ABCC11: variants seen among roughly 807,000 people sequenced by gnomAD.
ABCC11 encodes the protein ATP binding cassette subfamily C member 11.
In ABCC11, 135 loss-of-function variants were observed where a neutral mutation model predicts 149.3. The observed-to-expected ratio is 0.90, with a 90% confidence interval of 0.79 to 1.04. The LOEUF (loss-of-function observed/expected upper bound fraction) is 1.04, where lower values mean the gene tolerates loss of function less well. Ranked by LOEUF, ABCC11 falls within the 50% of genes least tolerant of loss-of-function variation. The pLI is 0.00. For missense variants in ABCC11, 1,680 were observed against 1,722.1 expected (o/e 0.98, Z 0.43); for synonymous variants, 665 against 671.4 (o/e 0.99, Z 0.15).
rs200118643 is a variant in ABCC11 at position 48,193,915 on chromosome 16, G to A, written c.2472C>T (p.Phe824=). 533 of 1,614,006 alleles carry A rather than the reference G, an allele frequency of 3.3e-4. 1 individual carries two copies. The highest frequency in any genetic ancestry group is 3.4e-5 in the Non-Finnish European group (40 of 1,179,922). ...VLIVFLTIFS[F]WWLSYWLEQG... ...GCTCCAACCAGTAGCTCAGCCACCA[G>A]AAGCTGAAGATCGTTAAGAAGACGA... The change falls in exon 19 of 30, where the codon TTC becomes TTT. Residue 824 remains phenylalanine (F), a synonymous_variant. Transcript: ENST00000356608.
intron 22 of ABCC11, 115 bp from the exon 23 acceptor site, chr16:48,184,741 G>T: frequency 9.1e-7 from 1 of 1,102,724 alleles, no homozygotes; most frequent in Non-Finnish European, 1.3e-6. Context: ...CCCAGCAGCA[G>T]GGCCTGATTT....
At chr16:48,219,247 G>A (rs1969566805) in intron 6 of ABCC11, among the ~76,000 whole-genome samples, 1 of 146,986 alleles carries the variant, frequency 6.8e-6, no homozygotes, top group Non-Finnish European at 1.5e-5. Context: ...TCAGCTCACT[G>A]CAACCTATGC....
intron 20 of ABCC11, among the ~76,000 whole-genome samples, chr16:48,188,361 G>A (rs1966843108): frequency 6.6e-6 from 1 of 152,196 alleles, no homozygotes; most frequent in Non-Finnish European, 1.5e-5. Context: ...ACCCCCAGTA[G>A]GGCATTCTAC....
rs141181656 is a variant in ABCC11 at position 48,197,840 on chromosome 16, G to A, written c.2314+131C>T. 4.4e-4 allele frequency: 414 copies of A among 937,702 alleles called. 1 individual carries two copies. In the African/African-American group the frequency reaches 5.9e-3, roughly 13 times the overall value. The allele number at this position is 937,702 out of a possible 1,614,324, so 58.1% of individuals were successfully genotyped here. A position where few individuals can be genotyped will look rare whatever the true frequency, so the allele number is the denominator to read the frequency against. On this transcript the variant is annotated intron_variant, in intron 17 of 29. Coordinates refer to ENST00000356608, the MANE Select transcript of ABCC11 (RefSeq NM_001370497.1). The stretch of plus-strand genomic sequence containing the variant: ...TCAACTACTTGGTTCTGGAACCTGT[G>A]TATGTAAATGCTTAGGGTCTCAAGA...
chr16:48,181,074 C>T (rs188740402), intron 23 of ABCC11, among the ~76,000 whole-genome samples: 1 of 152,320 alleles, frequency 6.6e-6, no homozygotes, highest in African/African-American at 2.4e-5. Flanking sequence ...ACAAGGGCTG[C>T]GCTTAGGGCA....
At chr16:48,228,585 C>G (rs1175546537) in intron 3 of ABCC11, among the ~76,000 whole-genome samples, 1 of 150,342 alleles carries the variant, frequency 6.7e-6, no homozygotes, top group Admixed American at 6.6e-5. Flanking sequence ...AGACAGCGCA[C>G]GACTCCGTCT....
chr16:48,208,982 G>T (rs1006396328), intron 11 of ABCC11, among the ~76,000 whole-genome samples: 2 of 152,160 alleles, frequency 1.3e-5, no homozygotes, highest in South Asian at 4.1e-4. Context: ...ATTGAGCTCA[G>T]AATATAAGCT....
chr16:48,167,362 A>G lies in ABCC11; in HGVS notation c.4061T>C (p.Val1354Ala). 7.4e-7 allele frequency: 1 copy of G among 1,345,766 alleles called. No homozygotes were observed. 83.4% of individuals were successfully genotyped at this position (1,345,766 alleles called of 1,614,324 possible). The change falls in exon 30 of 30, where the codon GTA becomes GCA. Residue 1354 changes from valine to alanine, a missense_variant. Transcript: ENST00000356608. ...CAGTACCTCCGGCCGATCAAATTCT[A>G]CCACCTGGAGGGTAGAGAAAGGCGA... ...HILVMGNGKV[V>A]EFDRPEVLRK...
chr16:48,243,821 C>G (rs1490832456), intron 1 of ABCC11, among the ~76,000 whole-genome samples: 1 of 152,036 alleles, frequency 6.6e-6, no homozygotes, highest in African/African-American at 2.4e-5. Context: ...GTGAAATCCC[C>G]TCCCTACTAA....
rs200162196 is a variant in ABCC11, at chr16:48,230,417, C to T, written c.236+20G>A. ...CCCTGGTGGATACAGCTCTCTCCCACCACCCCCATCAGGACTCACCTCGGC... is the reference window on the plus strand; with the variant it reads ...CCCTGGTGGATACAGCTCTCTCCCATCACCCCCATCAGGACTCACCTCGGC... On this transcript the variant is annotated intron_variant, in intron 3 of 29. Transcript: ENST00000356608. The T allele has an allele frequency of 7.2e-4, 1,127 of 1,572,682 alleles. 28 individuals are homozygous for T. In the South Asian group the frequency reaches 0.012, roughly 17 times the overall value.
intron 11 of ABCC11, 35 bp downstream of exon 11, chr16:48,210,913 C>A: frequency 6.2e-7 from 1 of 1,603,968 alleles, no homozygotes; most frequent in Admixed American, 1.7e-5. Context: ...GAGAGCCTGG[C>A]AGCTGGCCTG....
chr16:48,212,770 C>T (rs528655467), intron 10 of ABCC11, among the ~76,000 whole-genome samples: 1 of 152,264 alleles, frequency 6.6e-6, no homozygotes, highest in South Asian at 2.1e-4. Context: ...GATAATAGGT[C>T]GTGGACTGCA....
Position 48,208,481 on chromosome 16 carries a change from C to A in ABCC11, c.1624G>T (p.Val542Phe). 6.2e-7 allele frequency: 1 copy of A among 1,614,182 alleles called. No individual in the cohort carries two copies. The highest frequency in any genetic ancestry group is 8.5e-7 in the Non-Finnish European group (1 of 1,180,032). Residue 542 changes from valine (V) to phenylalanine (F), a missense_variant, in exon 12 of 30, where the codon GTC (valine) becomes TTC (phenylalanine). Coordinates refer to ENST00000356608, the MANE Select transcript of ABCC11 (RefSeq NM_001370497.1). ...LVVSKGMMLGVCGNTGSGKSS... is the reference protein window; with the variant it reads ...LVVSKGMMLGFCGNTGSGKSS... ...TTACCACTCCCCGTGTTGCCGCAGA[C>A]CCCTAACATCATCCCCTGCAAGCCA... is the stretch of plus-strand genomic sequence containing the variant.
intron 4 of ABCC11, among the ~76,000 whole-genome samples, chr16:48,225,043 C>CAAAAAA (rs113544609): frequency 6.9e-4 from 98 of 142,568 alleles, no homozygotes; most frequent in African/African-American, 2.5e-3. Flanking sequence ...AAAAACAAAC[C>CAAAAAA]AAAAAAAAAA....
intron 1 of ABCC11, among the ~76,000 whole-genome samples, chr16:48,233,119 T>C (rs1970513865): frequency 6.6e-6 from 1 of 152,100 alleles, no homozygotes; most frequent in African/African-American, 2.4e-5. Context: ...AAGTATAACT[T>C]GATCCTGGAA....
At chr16:48,222,306 G>A (rs749525203) in intron 6 of ABCC11, among the ~76,000 whole-genome samples, 3 of 152,074 alleles carry the variant, frequency 2.0e-5, no homozygotes, top group Non-Finnish European at 4.4e-5. Flanking sequence ...TTGAACTCCT[G>A]ACTTAAACAA....
At chr16:48,239,651 T>C (rs1025829217) in intron 1 of ABCC11, among the ~76,000 whole-genome samples, 2 of 149,884 alleles carry the variant, frequency 1.3e-5, no homozygotes, top group African/African-American at 4.9e-5. Context: ...ACAAAAGCAA[T>C]TGCAACAAAA....
Position 48,231,719 on chromosome 16 carries a change from G to A in ABCC11, c.99+104C>T, listed in dbSNP as rs1011568882. ...AAAAGAGAAAAGAAAAAAAATTCAA[G>A]GGTAAATAAGTATGGGAAGAAATTG... On this transcript the variant is annotated intron_variant, in intron 2 of 29. Transcript: ENST00000356608. The A allele has an allele frequency of 1.1e-5, 16 of 1,460,038 alleles. No individual in the cohort carries two copies. The African/African-American group carries it at 1.1e-4, about 10-fold the overall frequency. The allele number at this position is 1,460,038 out of a possible 1,614,324, so 90.4% of individuals were successfully genotyped here.
chr16:48,243,273 T>G (rs113449465), intron 1 of ABCC11, among the ~76,000 whole-genome samples: 49 of 151,282 alleles, frequency 3.2e-4, no homozygotes, highest in African/African-American at 4.9e-4. Flanking sequence ...TGGTTGCGGG[T>G]GCCTGTAGTC....
Sources: gnomAD v4.1 joint callset for allele counts (sites outside exome capture counted in the v4.1 genomes callset) on GRCh38, gnomAD v4.1.1 for gene constraint, MANE v1.5 for transcripts, NCBI Gene and HGNC (gene_info 2026-07-23, HGNC 2026-07-21) for gene names.